AUTS2: variants seen among roughly 807,000 people sequenced by gnomAD.
AUTS2 encodes activator of transcription and developmental regulator AUTS2.
A neutral mutation model predicts 112.4 loss-of-function variants in AUTS2; 17 were observed. That is an observed-to-expected ratio of 0.15 (90% CI 0.10 to 0.23). The LOEUF is 0.23. AUTS2 is among the 10% of genes least tolerant of loss of function. The pLI, the probability that AUTS2 is intolerant of heterozygous loss-of-function variation, is 1.00. For missense variants in AUTS2, 1,510 were observed against 1,701.6 expected (o/e 0.89, Z 1.98); for synonymous variants, 751 against 702.7 (o/e 1.07, Z -1.09).
intron 5 of AUTS2, chr7:70,437,681 A>C (rs1199486144): frequency 6.6e-6 from 1 of 152,154 alleles, no homozygotes; most frequent in Non-Finnish European, 1.5e-5. Flanking sequence ...TCAACTAAAA[A>C]TACAAAAAAT....
rs1789598299 is a variant in AUTS2 at position 69,791,316 on chromosome 7, A to G, written c.310-107970A>G. Among the ~76,000 whole-genome samples, 3 of 152,204 alleles carry G rather than the reference A, an allele frequency of 2.0e-5. No homozygotes were observed. In the South Asian group the frequency reaches 6.2e-4, roughly 32 times the overall value. On this transcript the variant is annotated intron_variant, in intron 1 of 18. Coordinates refer to ENST00000342771, the MANE Select transcript of AUTS2 (RefSeq NM_015570.4). Reference sequence around the variant, plus strand: ...GTGTTCCCTTCGAGCAACATGGGTAATGATTACAGCGACAATGCTGCTATT... The same window carrying G: ...GTGTTCCCTTCGAGCAACATGGGTAGTGATTACAGCGACAATGCTGCTATT...
chr7:69,853,874 TG>T (rs1470419221), intron 1 of AUTS2, among the ~76,000 whole-genome samples: 2 of 152,144 alleles, frequency 1.3e-5, no homozygotes, highest in African/African-American at 2.4e-5. Flanking sequence ...ACAATATTGC[TG>T]TAAGTGAGAT....
intron 5 of AUTS2, among the ~76,000 whole-genome samples, chr7:70,647,674 G>A (rs376319455): frequency 1.4e-4 from 22 of 152,278 alleles, no homozygotes; most frequent in African/African-American, 4.8e-4. Flanking sequence ...GTAACCAGAG[G>A]AGACTGCCAA....
chr7:70,512,357 C>G (rs984986835), intron 5 of AUTS2, among the ~76,000 whole-genome samples: 6 of 152,240 alleles, frequency 3.9e-5, no homozygotes, highest in African/African-American at 1.4e-4. Context: ...AGAGGTGAAG[C>G]CAGACCACTT....
chr7:69,623,102 G>A (rs1170139714), intron 1 of AUTS2, among the ~76,000 whole-genome samples: 7 of 152,170 alleles, frequency 4.6e-5, no homozygotes, highest in South Asian at 2.1e-4. Context: ...TTTCTAAACC[G>A]AGTTGCATAT....
intron 1 of AUTS2, among the ~76,000 whole-genome samples, chr7:69,852,280 T>TA (rs1196400517): frequency 6.6e-6 from 1 of 152,192 alleles, no homozygotes; most frequent in Non-Finnish European, 1.5e-5. Context: ...TCAGGATGTA[T>TA]AATTCTTTTT....
At position 70,764,826 on chromosome 7, in the gene AUTS2, C is replaced by A; in HGVS notation, c.1289C>A (p.Pro430Gln). The change falls in exon 8 of 19, where the codon CCG becomes CAG. Residue 430 changes from proline to glutamine, a missense_variant. Coordinates refer to ENST00000342771, the MANE Select transcript of AUTS2 (RefSeq NM_015570.4). ...ATCTCCCACCACCCCTCTGCCTCCC[C>A]GTTCCCCCTCTCCCTGCCCAACCAC... ...PHISHHPSAS[P>Q]FPLSLPNHSP... The A allele has an allele frequency of 8.3e-7, 1 of 1,205,818 alleles. No homozygotes were observed. Among genetic ancestry groups the A allele is most frequent in the Non-Finnish European group, 1.2e-6 (1 of 831,624 alleles). 74.7% of individuals were successfully genotyped at this position (1,205,818 alleles called of 1,614,324 possible).
At chr7:70,037,755 A>G (rs1801072302) in intron 2 of AUTS2, among the ~76,000 whole-genome samples, 2 of 152,242 alleles carry the variant, frequency 1.3e-5, no homozygotes, top group African/African-American at 4.8e-5. Flanking sequence ...CACTTCCTGG[A>G]CATGTCTCAG....
intron 4 of AUTS2, among the ~76,000 whole-genome samples, chr7:70,398,407 CA>C (rs1446462648): frequency 2.0e-5 from 3 of 152,096 alleles, no homozygotes; most frequent in Non-Finnish European, 2.9e-5. Context: ...GATCTTCTTT[CA>C]TTTCTCTTAG....
rs555771889 is a variant in AUTS2 at position 69,723,411 on chromosome 7, T to C, written c.309+123449T>C. On this transcript the variant is annotated intron_variant, in intron 1 of 18. Transcript: ENST00000342771. ...TCAAGCAAAGAACAGACTAGCTTAA[T>C]GGTTAATATTAAGTTACTGGAGTTT... 2.6e-5 allele frequency among the ~76,000 whole-genome samples: 4 copies of C among 152,256 alleles called. No individual in the cohort carries two copies. In the East Asian group the frequency reaches 5.8e-4, roughly 22 times the overall value.
intron 5 of AUTS2, among the ~76,000 whole-genome samples, chr7:70,511,958 C>G (rs1799214700): frequency 6.6e-6 from 1 of 152,174 alleles, no homozygotes; most frequent in Non-Finnish European, 1.5e-5. Context: ...GGTCAGCCTA[C>G]CTGAACCCCA....
intron 14 of AUTS2, chr7:70,781,410 T>A: frequency 2.2e-6 from 1 of 446,020 alleles, no homozygotes; most frequent in Non-Finnish European, 3.9e-6. Context: ...GTGTTGTCAC[T>A]AGACATTTCT....
At chr7:69,957,008 G>A (rs1797238562) in intron 2 of AUTS2, among the ~76,000 whole-genome samples, 1 of 151,480 alleles carries the variant, frequency 6.6e-6, no homozygotes, top group Non-Finnish European at 1.5e-5. Context: ...AAATATAGGT[G>A]TGGATCACCA....
intron 1 of AUTS2, among the ~76,000 whole-genome samples, chr7:69,734,524 C>T (rs1445315256): frequency 6.6e-6 from 1 of 151,542 alleles, no homozygotes; most frequent in Non-Finnish European, 1.5e-5. Context: ...TAGTATGAAA[C>T]CTATTGGATT....
At chr7:69,883,357 C>G (rs1369201977) in intron 1 of AUTS2, among the ~76,000 whole-genome samples, 3 of 149,490 alleles carry the variant, frequency 2.0e-5, no homozygotes, top group African/African-American at 7.4e-5. Context: ...TTGAGACTAT[C>G]CATAGTACTC....
chr7:70,091,850 T>A (rs1038326694), intron 2 of AUTS2, among the ~76,000 whole-genome samples: 6 of 152,180 alleles, frequency 3.9e-5, no homozygotes, highest in African/African-American at 1.4e-4. Context: ...ATATAAAATT[T>A]AGTGCTAAGA....
chr7:70,646,967 A>T (rs1806204223), intron 5 of AUTS2, among the ~76,000 whole-genome samples: 2 of 152,138 alleles, frequency 1.3e-5, no homozygotes, highest in African/African-American at 4.8e-5. Flanking sequence ...GAGCAGTTTC[A>T]AACTCAGGGC....
intron 5 of AUTS2, among the ~76,000 whole-genome samples, chr7:70,670,189 A>T (rs1050631814): frequency 2.0e-5 from 3 of 152,056 alleles, no homozygotes; most frequent in African/African-American, 7.2e-5. Flanking sequence ...ATTTTATTTG[A>T]TTTCTGTTTT....
rs193172450 is a variant in AUTS2, at chr7:70,076,553, G to C, written c.523-41579G>C. Reference sequence around the variant, plus strand: ...TAATAATTATGAAACATGAAGAGTGGTCTGTGGTTGCAGGCCACAGGCTGT... The same window carrying C: ...TAATAATTATGAAACATGAAGAGTGCTCTGTGGTTGCAGGCCACAGGCTGT... On this transcript the variant is annotated intron_variant, in intron 2 of 18. Transcript: ENST00000342771. Among the ~76,000 whole-genome samples, 6 of 152,242 alleles carry C rather than the reference G, an allele frequency of 3.9e-5. No individual in the cohort carries two copies. In the East Asian group the frequency reaches 1.2e-3, roughly 29 times the overall value.
Sources: allele counts gnomAD v4.1 joint callset (sites outside exome capture counted in the v4.1 genomes callset), GRCh38; gene constraint gnomAD v4.1.1; transcripts MANE v1.5; gene names NCBI Gene and HGNC (gene_info 2026-07-23, HGNC 2026-07-21).